Variants in PXYLP1 observed in about 807,000 individuals in gnomAD.
PXYLP1 encodes the protein acid phosphatase-like 2.
In PXYLP1, 17 loss-of-function variants were observed where a neutral mutation model predicts 37.9. That is an observed-to-expected ratio of 0.45 (90% CI 0.31 to 0.67). The LOEUF is 0.67. Among genes scored for constraint, PXYLP1 ranks in the 30% least tolerant of loss-of-function variants. The probability of loss-of-function intolerance (pLI) is 0.07; values close to 1 mark genes in which losing one functional copy is unlikely to be tolerated. For synonymous variants in PXYLP1, 221 were observed against 232.2 expected, an observed-to-expected ratio of 0.95 and a Z score of 0.44; for missense variants, 511 against 612.0, an observed-to-expected ratio of 0.84 and a Z score of 1.74.
intron 1 of PXYLP1, chr3:141,258,623 C>G (rs1941319452): frequency 6.3e-6 from 1 of 158,588 alleles, no homozygotes; most frequent in Admixed American, 6.3e-5. Flanking sequence ...TTCAACAAAG[C>G]TGTCTGGGCC....
intron 1 of PXYLP1, among the ~76,000 whole-genome samples, chr3:141,247,891 C>G (rs1940997664): frequency 6.6e-6 from 1 of 152,152 alleles, no homozygotes; most frequent in South Asian, 2.1e-4. Flanking sequence ...TTTTCATTCT[C>G]AAAATTACTT....
At chr3:141,248,512 T>C (rs113048207) in intron 1 of PXYLP1, among the ~76,000 whole-genome samples, 11,283 of 101,862 alleles carry the variant, frequency 0.11, 773 homozygotes, top group African/African-American at 0.24. Context: ...TATATATATA[T>C]ACACACACAC....
chr3:141,232,433 C>T (rs1940542245), intron 1 of PXYLP1: 1 of 152,270 alleles, frequency 6.6e-6, no homozygotes, highest in African/African-American at 2.4e-5. Flanking sequence ...GGCTAGTCTC[C>T]AGGTAAGGAG....
intron 4 of PXYLP1, among the ~76,000 whole-genome samples, chr3:141,280,411 G>A (rs1461641577): frequency 6.6e-6 from 1 of 152,210 alleles, no homozygotes; most frequent in African/African-American, 2.4e-5. Flanking sequence ...CATTTTTGGC[G>A]CTCCCATTTG....
At chr3:141,278,538 G>C (rs958485580) in intron 3 of PXYLP1, 38 bp downstream of exon 3, 1 of 1,609,502 alleles carries the variant, frequency 6.2e-7, no homozygotes, top group Non-Finnish European at 8.5e-7. Flanking sequence ...ATACCCCTTT[G>C]GGGACTAGTT....
intron 1 of PXYLP1, among the ~76,000 whole-genome samples, chr3:141,244,629 A>T (rs1436438937): frequency 6.7e-6 from 1 of 149,178 alleles, no homozygotes; most frequent in Non-Finnish European, 1.5e-5. Context: ...TTTTGTTTTT[A>T]ACTTGGCGAT....
chr3:141,281,646 C>G (rs1941959049), intron 4 of PXYLP1, among the ~76,000 whole-genome samples: 2 of 152,140 alleles, frequency 1.3e-5, no homozygotes, highest in South Asian at 4.2e-4. Context: ...CCTGACCCCA[C>G]CTGGGGCAGG....
chr3:141,239,588 G>A (rs182038486), intron 1 of PXYLP1, among the ~76,000 whole-genome samples: 7 of 152,276 alleles, frequency 4.6e-5, no homozygotes, highest in African/African-American at 1.4e-4. Context: ...TTAATTGATG[G>A]TGTTTAACGA....
rs567889346 is a variant in PXYLP1, at chr3:141,280,249, A to C, written c.365+745A>C. 2.6e-5 allele frequency among the ~76,000 whole-genome samples: 4 copies of C among 152,352 alleles called. No homozygotes were observed. In the East Asian group the frequency reaches 7.7e-4, roughly 29 times the overall value. ...GTGGGGAAGACGTTATTTTGATGGA[A>C]TGCTTCTGGGATGCCAGCCTGCCCC... On this transcript the variant is annotated intron_variant, in intron 4 of 5. Transcript: ENST00000286353.
intron 2 of PXYLP1, among the ~76,000 whole-genome samples, chr3:141,268,618 A>C (rs1941589889): frequency 1.3e-5 from 2 of 152,202 alleles, no homozygotes; most frequent in African/African-American, 4.8e-5. Flanking sequence ...CCACCTCACA[A>C]GAGAGAAGGA....
At chr3:141,288,802 G>C (rs56357034) in intron 5 of PXYLP1, among the ~76,000 whole-genome samples, 18,750 of 152,078 alleles carry the variant, frequency 0.12, 1,746 homozygotes, top group African/African-American at 0.25. Flanking sequence ...TGGCTGAGGC[G>C]GGAGGACCAC....
chr3:141,233,463 CAAAAAAAAAA>C (rs5853024), intron 1 of PXYLP1, among the ~76,000 whole-genome samples: 2 of 79,404 alleles, frequency 2.5e-5, no homozygotes, highest in Admixed American at 1.4e-4. Context: ...AAAACCCTGT[CAAAAAAAAAA>C]AAAAAAAAAA....
chr3:141,241,522 A>T (rs960379351), intron 1 of PXYLP1, among the ~76,000 whole-genome samples: 2 of 152,062 alleles, frequency 1.3e-5, no homozygotes, highest in African/African-American at 4.8e-5. Flanking sequence ...CTTCCAGGGG[A>T]AGGTGGTGCT....
intron 4 of PXYLP1, among the ~76,000 whole-genome samples, chr3:141,285,809 AT>A: frequency 6.6e-6 from 1 of 152,314 alleles, no homozygotes; most frequent in Non-Finnish European, 1.5e-5. Context: ...GTTTGCAAAC[AT>A]TTATGTGCTT....
At chr3:141,247,285 A>G (rs1051266710) in intron 1 of PXYLP1, among the ~76,000 whole-genome samples, 2 of 152,252 alleles carry the variant, frequency 1.3e-5, no homozygotes, top group African/African-American at 4.8e-5. Context: ...TATTTGGTTG[A>G]CATCCATGGA....
Position 141,293,252 on chromosome 3 carries a change from A to C in PXYLP1, c.*47A>C. ...TAGAATCCATGCCAATACAGAGCATAGGGAAAGGTCCACTTCTAGTTTTGT... is the reference window on the plus strand; with the variant it reads ...TAGAATCCATGCCAATACAGAGCATCGGGAAAGGTCCACTTCTAGTTTTGT... On this transcript the variant is annotated 3_prime_UTR_variant, in exon 6 of 6. Transcript: ENST00000286353. 6.5e-7 allele frequency: 1 copy of C among 1,530,178 alleles called. No homozygotes were observed. 94.8% of individuals were successfully genotyped at this position (1,530,178 alleles called of 1,614,324 possible). A position where few individuals can be genotyped will look rare whatever the true frequency, so the allele number is the denominator to read the frequency against.
At chr3:141,286,732 A>C (rs7643346) in intron 4 of PXYLP1, among the ~76,000 whole-genome samples, 106,297 of 151,992 alleles carry the variant, frequency 0.7, 37,297 homozygotes, top group South Asian at 0.88. Flanking sequence ...GTTACCTTTT[A>C]AATCAATCCT....
At chr3:141,283,693 G>A (rs1193565378) in intron 4 of PXYLP1, among the ~76,000 whole-genome samples, 1 of 151,906 alleles carries the variant, frequency 6.6e-6, no homozygotes, top group Admixed American at 6.6e-5. Flanking sequence ...AATCTAATGT[G>A]ATTCCAGTTT....
In PXYLP1 at chr3:141,293,243, A is replaced by G. The variant is rs1942275805; in HGVS notation, c.*38A>G. The G allele has an allele frequency of 1.3e-6, 2 of 1,563,644 alleles. No homozygotes were observed. The highest frequency in any genetic ancestry group is 8.7e-7 in the Non-Finnish European group (1 of 1,151,116). On this transcript the variant is annotated 3_prime_UTR_variant, in exon 6 of 6. Coordinates refer to ENST00000286353, the MANE Select transcript of PXYLP1 (RefSeq NM_001037172.3). ...ACAGCAGTATAGAATCCATGCCAAT[A>G]CAGAGCATAGGGAAAGGTCCACTTC...
Sources: allele counts gnomAD v4.1 joint callset (sites outside exome capture counted in the v4.1 genomes callset), GRCh38; gene constraint gnomAD v4.1.1; transcripts MANE v1.5; gene names NCBI Gene and HGNC (gene_info 2026-07-23, HGNC 2026-07-21).